ZFAND3: variants seen among roughly 807,000 people sequenced by gnomAD.
The protein encoded by ZFAND3 is AN1-type zinc finger protein 3.
ZFAND3 carries 10 observed loss-of-function variants against 29.6 expected under a neutral mutation model. The ratio of observed to expected loss-of-function variants is 0.34; its 90% CI spans 0.21 to 0.57. The LOEUF (loss-of-function observed/expected upper bound fraction) is 0.57. Ranked by LOEUF, ZFAND3 falls within the 20% of genes least tolerant of loss-of-function variation. ZFAND3 has a pLI of 0.86. For synonymous variants in ZFAND3, 128 were observed against 112.6 expected, an observed-to-expected ratio of 1.14 and a Z score of -0.87; for missense variants, 230 against 304.5, an observed-to-expected ratio of 0.76 and a Z score of 1.82.
chr6:38,144,229 A>ATTTTTTTTTT (rs1436513843), intron 5 of ZFAND3, among the ~76,000 whole-genome samples: 2 of 116,934 alleles, frequency 1.7e-5, no homozygotes, highest in East Asian at 7.3e-4. Flanking sequence ...ATATATATAT[A>ATTTTTTTTTT]TATTTTTTTT....
At position 38,153,726 on chromosome 6, in the gene ZFAND3, G is replaced by A. The variant is rs1766286403; in HGVS notation, c.*1337G>A. On this transcript the variant is annotated 3_prime_UTR_variant, in exon 6 of 6. Transcript: ENST00000287218. ...GTTAGGAAATCACTACCAGTCAGGT[G>A]GGGCTGGGGCTGGGTGGACAGGATC... 4 of 985,320 alleles carry A rather than the reference G, an allele frequency of 4.1e-6. No individual in the cohort carries two copies. The highest frequency in any genetic ancestry group is 4.7e-5 in the South Asian group (1 of 21,288). 61.0% of individuals were successfully genotyped at this position (985,320 alleles called of 1,614,324 possible). A position where few individuals can be genotyped will look rare whatever the true frequency, so the allele number is the denominator to read the frequency against.
chr6:38,003,828 A>G (rs759375545), intron 2 of ZFAND3: 2 of 452,004 alleles, frequency 4.4e-6, no homozygotes, highest in Non-Finnish European at 8.9e-6. Context: ...TAACATTGCT[A>G]TTTGTATATC....
intron 1 of ZFAND3, 28 bp downstream of exon 1, chr6:37,820,044 G>A: frequency 8.3e-7 from 1 of 1,211,202 alleles, no homozygotes; most frequent in Non-Finnish European, 1.0e-6. Flanking sequence ...TGGGGGCGGG[G>A]GGCGGGGGCC....
chr6:38,041,499 A>G (rs1391930448), intron 2 of ZFAND3, among the ~76,000 whole-genome samples: 1 of 151,696 alleles, frequency 6.6e-6, no homozygotes, highest in African/African-American at 2.4e-5. Flanking sequence ...TATTTTATTT[A>G]GTAAGCTATC....
At chr6:37,951,149 T>C (rs978679898) in intron 2 of ZFAND3, among the ~76,000 whole-genome samples, 1 of 152,212 alleles carries the variant, frequency 6.6e-6, no homozygotes, top group African/African-American at 2.4e-5. Context: ...AGAAATGGGA[T>C]TGCAGTCTTG....
At chr6:37,901,393 A>G (rs1307173431) in intron 1 of ZFAND3, among the ~76,000 whole-genome samples, 1 of 152,166 alleles carries the variant, frequency 6.6e-6, no homozygotes, top group Non-Finnish European at 1.5e-5. Context: ...TGTAATCCCG[A>G]CACTTGAACT....
At chr6:37,857,509 G>A (rs757754093) in intron 1 of ZFAND3, among the ~76,000 whole-genome samples, 15 of 152,086 alleles carry the variant, frequency 9.9e-5, no homozygotes, top group Non-Finnish European at 2.2e-4. Context: ...ATTTAGCATG[G>A]GGCAGTTTTT....
At chr6:38,021,267 T>C (rs1340042063) in intron 2 of ZFAND3, among the ~76,000 whole-genome samples, 7 of 152,212 alleles carry the variant, frequency 4.6e-5, no homozygotes, top group Non-Finnish European at 7.3e-5. Context: ...GTGGAGAAGA[T>C]TAATGATTTG....
intron 1 of ZFAND3, among the ~76,000 whole-genome samples, chr6:37,905,794 T>C (rs912803007): frequency 7.9e-5 from 12 of 152,130 alleles, no homozygotes; most frequent in Non-Finnish European, 1.6e-4. Context: ...AAGATGGGAA[T>C]GATAATACCT....
intron 2 of ZFAND3, among the ~76,000 whole-genome samples, chr6:38,053,489 G>C (rs950443916): frequency 6.6e-6 from 1 of 152,126 alleles, no homozygotes; most frequent in Non-Finnish European, 1.5e-5. Flanking sequence ...TTCGAGACCA[G>C]CTTGGCCATC....
chr6:37,908,789 C>T (rs259672), intron 1 of ZFAND3, among the ~76,000 whole-genome samples: 95,333 of 149,962 alleles, frequency 0.64, 31,004 homozygotes, highest in African/African-American at 0.76. Flanking sequence ...CTTAGAGGTA[C>T]TGAATGCCAG....
At position 37,903,865 on chromosome 6, in the gene ZFAND3, TTTTG is replaced by T. The variant is rs545179712; in HGVS notation, c.72-26091_72-26088del. 2.8e-3 allele frequency among the ~76,000 whole-genome samples: 431 copies of T among 152,352 alleles called. 1 individual carries two copies. The highest frequency in any genetic ancestry group is 9.8e-3 in the African/African-American group (407 of 41,578). On this transcript the variant is annotated intron_variant, in intron 1 of 5. Coordinates refer to ENST00000287218, the MANE Select transcript of ZFAND3 (RefSeq NM_021943.3). ...ATAGTCCCTTTATGAGGTGAGAGGT[TTTTG>T]TTCTGTGGATATTCTCAAAGGGCAA...
intron 2 of ZFAND3, among the ~76,000 whole-genome samples, chr6:38,027,220 C>T (rs2127449898): frequency 6.6e-6 from 1 of 152,320 alleles, no homozygotes; most frequent in East Asian, 1.9e-4. Context: ...TCTTGCGTGA[C>T]ATCCTACCTC....
intron 5 of ZFAND3, among the ~76,000 whole-genome samples, chr6:38,144,194 TATATATA>T (rs1766032902): frequency 9.3e-5 from 3 of 32,276 alleles, no homozygotes; most frequent in Admixed American, 4.6e-4. Context: ...AATATATATA[TATATATA>T]TATATATATA....
At chr6:37,966,954 A>G (rs771185195) in intron 2 of ZFAND3, among the ~76,000 whole-genome samples, 6 of 152,094 alleles carry the variant, frequency 3.9e-5, no homozygotes, top group African/African-American at 7.2e-5. Context: ...TCCTCATGTG[A>G]TGCAAGCTAT....
At chr6:37,919,605 A>G (rs951077656) in intron 1 of ZFAND3, among the ~76,000 whole-genome samples, 1 of 152,194 alleles carries the variant, frequency 6.6e-6, no homozygotes, top group African/African-American at 2.4e-5. Context: ...CCAAGCCACA[A>G]GAATTCATTC....
At chr6:37,897,853 A>G (rs1403944148) in intron 1 of ZFAND3, among the ~76,000 whole-genome samples, 3 of 152,224 alleles carry the variant, frequency 2.0e-5, no homozygotes, top group Non-Finnish European at 4.4e-5. Context: ...TAGTCAGAAA[A>G]GAATAGCAAA....
intron 1 of ZFAND3, among the ~76,000 whole-genome samples, chr6:37,912,312 A>G (rs948757854): frequency 1.9e-4 from 29 of 152,252 alleles, no homozygotes; most frequent in African/African-American, 6.5e-4. Flanking sequence ...GCTCATTAAG[A>G]TTGTGAAATG....
At chr6:38,098,493 G>A (rs946719785) in intron 4 of ZFAND3, among the ~76,000 whole-genome samples, 2 of 150,156 alleles carry the variant, frequency 1.3e-5, no homozygotes, top group Non-Finnish European at 1.5e-5. Context: ...AATGAAAACA[G>A]TATTGCCCAT....
Sources: gnomAD v4.1 joint callset for allele counts (sites outside exome capture counted in the v4.1 genomes callset) on GRCh38, gnomAD v4.1.1 for gene constraint, MANE v1.5 for transcripts, NCBI Gene and HGNC (gene_info 2026-07-23, HGNC 2026-07-21) for gene names.